Variants in LAMB4 observed in about 807,000 individuals in gnomAD.
LAMB4 encodes the protein laminin subunit beta 4, also known as laminin subunit beta-4.
In LAMB4, 196 loss-of-function variants were observed where a neutral mutation model predicts 199.2. The observed-to-expected ratio is 0.98, with a 90% CI of 0.88 to 1.11. The LOEUF (loss-of-function observed/expected upper bound fraction) is 1.11. Ranked by LOEUF, LAMB4 falls within the 50% of genes least tolerant of loss-of-function variation. LAMB4 has a pLI of 0.00. For missense variants in LAMB4, 2,080 were observed against 2,171.2 expected, an observed-to-expected ratio of 0.96 and a Z score of 0.83; for synonymous variants, 744 against 770.6, an observed-to-expected ratio of 0.97 and a Z score of 0.57.
At chr7:108,112,751 T>A in intron 3 of LAMB4, among the ~76,000 whole-genome samples, 1 of 152,208 alleles carries the variant, frequency 6.6e-6, no homozygotes, top group East Asian at 1.9e-4. Context: ...TGGCTAATAC[T>A]CAGAGGACTC....
chr7:108,069,420 G>A (rs1451950568), intron 18 of LAMB4, among the ~76,000 whole-genome samples: 2 of 152,210 alleles, frequency 1.3e-5, no homozygotes, highest in African/African-American at 4.8e-5. Flanking sequence ...ATTTTGGGAT[G>A]AAAGATGTCT....
At chr7:108,123,075 A>G in intron 2 of LAMB4, 56 bp downstream of exon 2, 1 of 1,456,888 alleles carries the variant, frequency 6.9e-7, no homozygotes, top group South Asian at 1.2e-5. Flanking sequence ...AACTATTTCC[A>G]TTAAATATTT....
downstream of LAMB4, among the ~76,000 whole-genome samples, chr7:108,022,346 G>A (rs2034711157): frequency 1.3e-5 from 2 of 152,168 alleles, no homozygotes; most frequent in Non-Finnish European, 2.9e-5. Context: ...TAGCCACAAA[G>A]CTTTTCCCTC....
At chr7:108,074,411 C>T (rs1476361408) in intron 17 of LAMB4, among the ~76,000 whole-genome samples, 4 of 152,126 alleles carry the variant, frequency 2.6e-5, no homozygotes, top group Non-Finnish European at 5.9e-5. Flanking sequence ...CTCTGTCGCC[C>T]AGGCTGGATT....
Position 108,068,106 on chromosome 7 carries a change from C to T in LAMB4, c.2356G>A (p.Gly786Ser). ...ACAAGAGGTTTACACTGGCACTGGC[C>T]TCCAAGTCGGCTGCAGCTGGATCCG... ...SVGSSCSRLG[G>S]QCQCKPLVVG... Residue 786 changes from glycine (G) to serine (S), a missense_variant, in exon 19 of 34, where the codon GGC becomes AGC. By Grantham distance (56) the Gly-to-Ser change is moderately conservative (BLOSUM62 0). Coordinates refer to ENST00000388781, the MANE Select transcript of LAMB4 (RefSeq NM_007356.3). 1 of 1,614,184 alleles carries T rather than the reference C, an allele frequency of 6.2e-7. No individual in the cohort carries two copies.
chr7:108,051,998 G>A, intron 26 of LAMB4, 99 bp downstream of exon 26: 1 of 881,736 alleles, frequency 1.1e-6, no homozygotes, highest in Non-Finnish European at 1.7e-6. Context: ...AAGTGCTCAG[G>A]CACTATGGTG....
intron 31 of LAMB4, among the ~76,000 whole-genome samples, chr7:108,033,818 G>A (rs2035130235): frequency 1.4e-5 from 2 of 140,406 alleles, no homozygotes; most frequent in African/African-American, 5.4e-5. Context: ...TGTTACAATA[G>A]TTAACTCATT....
intron 9 of LAMB4, 21 bp from the exon 10 acceptor site, chr7:108,103,253 CTG>C (rs1476890850): frequency 6.5e-7 from 1 of 1,528,672 alleles, no homozygotes; most frequent in Non-Finnish European, 8.8e-7. Flanking sequence ...AAGACAGTGA[CTG>C]AGAGGTAGAC....
chr7:108,073,441 T>C (rs2036600081), intron 17 of LAMB4, among the ~76,000 whole-genome samples: 2 of 152,236 alleles, frequency 1.3e-5, no homozygotes, highest in Admixed American at 6.5e-5. Context: ...GCCTAATATA[T>C]TTTTTACTCT....
chr7:108,106,636 C>T (rs1228947174), intron 6 of LAMB4, 64 bp from the exon 7 acceptor site: 8 of 776,556 alleles, frequency 1.0e-5, no homozygotes, highest in South Asian at 3.7e-5. Flanking sequence ...CAAACACACT[C>T]TTTTTTTTTT....
intron 16 of LAMB4, 86 bp from the exon 17 acceptor site, chr7:108,077,150 A>C: frequency 7.2e-7 from 1 of 1,388,366 alleles, no homozygotes; most frequent in Non-Finnish European, 1.0e-6. Context: ...GTAGCATTGC[A>C]CTTGTACTGG....
chr7:108,087,017 A>G (rs979184390), intron 14 of LAMB4, among the ~76,000 whole-genome samples: 1 of 152,176 alleles, frequency 6.6e-6, no homozygotes, highest in African/African-American at 2.4e-5. Flanking sequence ...CTTCTAGCCT[A>G]GAAGTCAGAG....
At chr7:108,095,202 A>G (rs2037548984) in intron 12 of LAMB4, 26 bp downstream of exon 12, 1 of 1,534,276 alleles carries the variant, frequency 6.5e-7, no homozygotes, top group African/African-American at 1.4e-5. Context: ...CACTATAGAA[A>G]AGGGAAACTA....
intron 3 of LAMB4, among the ~76,000 whole-genome samples, chr7:108,114,545 G>C (rs957284779): frequency 6.6e-6 from 1 of 152,196 alleles, no homozygotes; most frequent in Non-Finnish European, 1.5e-5. Flanking sequence ...TGCACATGCA[G>C]AGAATTTGCT....
intron 17 of LAMB4, among the ~76,000 whole-genome samples, chr7:108,072,201 C>T (rs1045772294): frequency 2.6e-5 from 4 of 152,084 alleles, no homozygotes; most frequent in South Asian, 2.1e-4. Flanking sequence ...TAGTTTGAGT[C>T]GAGAGCCTAA....
chr7:108,069,604 T>G, intron 18 of LAMB4, 104 bp downstream of exon 18: 1 of 1,002,986 alleles, frequency 1.0e-6, no homozygotes. Context: ...GTGATGGGTA[T>G]TTTGGTTGTT....
At chr7:108,052,034 G>A in intron 26 of LAMB4, 63 bp downstream of exon 26, 1 of 1,399,064 alleles carries the variant, frequency 7.1e-7, no homozygotes, top group Middle Eastern at 1.8e-4. Context: ...CTCACTAATG[G>A]AATGCACTGT....
intron 14 of LAMB4, among the ~76,000 whole-genome samples, chr7:108,082,070 C>T (rs1245683300): frequency 2.0e-5 from 3 of 152,126 alleles, no homozygotes; most frequent in East Asian, 3.9e-4. Flanking sequence ...GTGGCTCACG[C>T]CTGTAATCCT....
chr7:108,096,361 A>G (rs1204287677), intron 11 of LAMB4, among the ~76,000 whole-genome samples: 1 of 152,228 alleles, frequency 6.6e-6, no homozygotes, highest in African/African-American at 2.4e-5. Flanking sequence ...GAAGAATAAG[A>G]TTCCATTGTA....
Sources: gnomAD v4.1 joint callset for allele counts (sites outside exome capture counted in the v4.1 genomes callset) on GRCh38, gnomAD v4.1.1 for gene constraint, MANE v1.5 for transcripts, NCBI Gene and HGNC (gene_info 2026-07-23, HGNC 2026-07-21) for gene names.